NR3C2: variants seen among roughly 807,000 people sequenced by gnomAD.
The protein encoded by NR3C2 is nuclear receptor subfamily 3 group C member 2.
In NR3C2, 15 loss-of-function variants were observed where a neutral mutation model predicts 86.4. The ratio of observed to expected loss-of-function variants is 0.17; its 90% CI spans 0.12 to 0.27. NR3C2 has a LOEUF of 0.27. Ranked by LOEUF, NR3C2 falls within the 10% of genes least tolerant of loss-of-function variation. The pLI, the probability that NR3C2 is intolerant of heterozygous loss-of-function variation, is 1.00. For missense variants in NR3C2, 960 were observed against 1,195.6 expected (o/e 0.80, Z 2.91); for synonymous variants, 458 against 450.5 (o/e 1.02, Z -0.21).
intron 2 of NR3C2, among the ~76,000 whole-genome samples, chr4:148,387,709 C>A (rs1050915602): frequency 2.6e-5 from 4 of 152,084 alleles, no homozygotes; most frequent in African/African-American, 9.7e-5. Flanking sequence ...ATGGTTGTAT[C>A]CTGAGAAAAG....
At chr4:148,394,911 T>C (rs567840880) in intron 2 of NR3C2, among the ~76,000 whole-genome samples, 2 of 152,206 alleles carry the variant, frequency 1.3e-5, no homozygotes, top group South Asian at 2.1e-4. Context: ...TTTCTACCTA[T>C]GATAAAGGCA....
intron 2 of NR3C2, among the ~76,000 whole-genome samples, chr4:148,327,775 A>G (rs1744041257): frequency 6.6e-6 from 1 of 152,176 alleles, no homozygotes; most frequent in African/African-American, 2.4e-5. Flanking sequence ...GTTTGGTCTC[A>G]TCTCTCAGCA....
chr4:148,216,422 G>A (rs994780980), intron 3 of NR3C2, among the ~76,000 whole-genome samples: 3 of 152,048 alleles, frequency 2.0e-5, no homozygotes, highest in East Asian at 1.9e-4. Flanking sequence ...TCCATTTTAC[G>A]TATGAGAACA....
At chr4:148,155,208 C>T (rs1034165317) in intron 4 of NR3C2, among the ~76,000 whole-genome samples, 1 of 152,172 alleles carries the variant, frequency 6.6e-6, no homozygotes, top group African/African-American at 2.4e-5. Context: ...CTTACCCGGT[C>T]CTCAACAAGT....
rs1349096929 is a variant in NR3C2 at position 148,238,483 on chromosome 4, T to C, written c.1897+21495A>G. On this transcript the variant is annotated intron_variant, in intron 3 of 8. Coordinates refer to ENST00000358102, the MANE Select transcript of NR3C2 (RefSeq NM_000901.5). Reference sequence around the variant, plus strand: ...AACAATTTAAAAATCGTAATAAATATAAATGGCATCAAAAGACTATCATTA... The same window carrying C: ...AACAATTTAAAAATCGTAATAAATACAAATGGCATCAAAAGACTATCATTA... Among the ~76,000 whole-genome samples, 4 of 152,200 alleles carry C rather than the reference T, an allele frequency of 2.6e-5. No homozygotes were observed. The East Asian group carries it at 7.7e-4, about 29-fold the overall frequency.
intron 1 of NR3C2, among the ~76,000 whole-genome samples, chr4:148,438,487 A>G (rs1468392801): frequency 1.3e-5 from 2 of 152,204 alleles, no homozygotes; most frequent in African/African-American, 2.4e-5. Flanking sequence ...CTATGGCCCA[A>G]AAAAAGTCCT....
chr4:148,394,994 C>A (rs1381273607), intron 2 of NR3C2, among the ~76,000 whole-genome samples: 1 of 151,882 alleles, frequency 6.6e-6, no homozygotes, highest in Admixed American at 6.6e-5. Flanking sequence ...GGGAAACAGT[C>A]CAGGATTTGG....
chr4:148,229,661 C>T (rs1738361356), intron 3 of NR3C2, among the ~76,000 whole-genome samples: 1 of 152,146 alleles, frequency 6.6e-6, no homozygotes, highest in Non-Finnish European at 1.5e-5. Context: ...CCTGTGATAG[C>T]CAGGTCTCCC....
intron 4 of NR3C2, among the ~76,000 whole-genome samples, chr4:148,162,653 T>C (rs1293489800): frequency 2.0e-5 from 3 of 152,222 alleles, no homozygotes; most frequent in African/African-American, 7.2e-5. Context: ...GAAAACAAGA[T>C]AGGCCACTGC....
chr4:148,311,416 A>AT (rs1238835839), intron 2 of NR3C2, among the ~76,000 whole-genome samples: 2 of 152,190 alleles, frequency 1.3e-5, no homozygotes, highest in Non-Finnish European at 2.9e-5. Context: ...GCAGCTGCTC[A>AT]AACACAAGCC....
At chr4:148,167,963 G>C (rs1363808735) in intron 4 of NR3C2, among the ~76,000 whole-genome samples, 1 of 152,184 alleles carries the variant, frequency 6.6e-6, no homozygotes, top group East Asian at 1.9e-4. Context: ...CTGTGGCCAG[G>C]GGGACCTAAT....
chr4:148,435,919 C>T lies in NR3C2; in HGVS notation c.942G>A (p.Ser314=). 6.2e-7 allele frequency: 1 copy of T among 1,614,076 alleles called. No homozygotes were observed. The highest frequency in any genetic ancestry group is 8.5e-7 in the Non-Finnish European group (1 of 1,180,012). The change falls in exon 2 of 9, where the codon TCG becomes TCA. Residue 314 remains serine (S), a synonymous_variant. Transcript: ENST00000358102. ...AAAGCGTGGATCTGTTATTAGTGTT[C>T]GAAGGGCTGGAAACAGAGCACCTTG... ...NNSRCSVSSP[S]NTNNRSTLSS...
At chr4:148,324,790 C>CA (rs1407187278) in intron 2 of NR3C2, among the ~76,000 whole-genome samples, 2 of 152,052 alleles carry the variant, frequency 1.3e-5, no homozygotes, top group Non-Finnish European at 2.9e-5. Flanking sequence ...TAAATATGTA[C>CA]AATTTTTATC....
intron 3 of NR3C2, among the ~76,000 whole-genome samples, chr4:148,216,234 C>G (rs891062078): frequency 1.4e-4 from 21 of 152,074 alleles, no homozygotes; most frequent in African/African-American, 4.6e-4. Context: ...CACCACCCCC[C>G]CAACCATTTA....
chr4:148,288,948 C>G (rs755989240), intron 2 of NR3C2, among the ~76,000 whole-genome samples: 2 of 152,042 alleles, frequency 1.3e-5, no homozygotes, highest in African/African-American at 2.4e-5. Context: ...AAGTATGCCC[C>G]ATTCTTTAAC....
chr4:148,326,661 G>A (rs1248610616), intron 2 of NR3C2, among the ~76,000 whole-genome samples: 3 of 151,700 alleles, frequency 2.0e-5, no homozygotes, highest in African/African-American at 7.3e-5. Flanking sequence ...TTTCTTTAGG[G>A]CTTGCAGGAT....
intron 2 of NR3C2, among the ~76,000 whole-genome samples, chr4:148,312,722 CATAAA>C (rs1361598521): frequency 1.3e-5 from 2 of 152,130 alleles, no homozygotes; most frequent in Non-Finnish European, 2.9e-5. Context: ...ATAAATGTCT[CATAAA>C]ATAATTCAAC....
intron 2 of NR3C2, among the ~76,000 whole-genome samples, chr4:148,307,099 T>C (rs899693713): frequency 6.6e-6 from 1 of 152,028 alleles, no homozygotes; most frequent in African/African-American, 2.4e-5. Context: ...TCAGCCTCAC[T>C]GATAAGAAAC....
At chr4:148,184,875 G>A (rs980398710) in intron 4 of NR3C2, among the ~76,000 whole-genome samples, 3 of 152,180 alleles carry the variant, frequency 2.0e-5, no homozygotes, top group African/African-American at 7.2e-5. Context: ...CACCAGAAAA[G>A]GAGCTCAGAA....
Sources: allele counts gnomAD v4.1 joint callset (sites outside exome capture counted in the v4.1 genomes callset), GRCh38; gene constraint gnomAD v4.1.1; transcripts MANE v1.5; gene names NCBI Gene and HGNC (gene_info 2026-07-23, HGNC 2026-07-21).